CEP128: variants seen among roughly 807,000 people sequenced by gnomAD.
The protein encoded by CEP128 is centrosomal protein 128.
In CEP128, 132 loss-of-function variants were observed where a neutral mutation model predicts 156.7. That is an observed-to-expected ratio of 0.84 (90% CI 0.73 to 0.97). The LOEUF is 0.97. Among genes scored for constraint, CEP128 ranks in the 50% least tolerant of loss-of-function variants. The pLI is 0.00. For missense variants in CEP128, 1,252 were observed against 1,281.9 expected, an observed-to-expected ratio of 0.98 and a Z score of 0.36; for synonymous variants, 469 against 448.9, an observed-to-expected ratio of 1.04 and a Z score of -0.57.
rs1211118194 is a variant in CEP128, at chr14:80,542,978, A to G, written c.2881-12092T>C. ...ATGTCCTGTGTTCTCAAAGAGAATG[A>G]CAAAATAAATTAATCATTTTCCATT... On this transcript the variant is annotated intron_variant, in intron 21 of 24. Transcript: ENST00000555265. Among the ~76,000 whole-genome samples, 5 of 152,228 alleles carry G rather than the reference A, an allele frequency of 3.3e-5. No individual in the cohort carries two copies. The East Asian group carries it at 9.6e-4, about 29-fold the overall frequency.
At chr14:80,623,223 A>C (rs1011414698) in intron 19 of CEP128, among the ~76,000 whole-genome samples, 2 of 148,402 alleles carry the variant, frequency 1.3e-5, no homozygotes, top group Non-Finnish European at 3.0e-5. Flanking sequence ...AAAACCAAAC[A>C]CTGCATGTTC....
intron 19 of CEP128, among the ~76,000 whole-genome samples, chr14:80,675,742 T>C (rs1207069738): frequency 3.9e-5 from 6 of 152,140 alleles, no homozygotes; most frequent in African/African-American, 1.4e-4. Flanking sequence ...AATTTTAAGA[T>C]AGTCAAATCT....
intron 15 of CEP128, among the ~76,000 whole-genome samples, chr14:80,779,918 G>A (rs912576597): frequency 6.6e-6 from 1 of 152,094 alleles, no homozygotes; most frequent in Non-Finnish European, 1.5e-5. Context: ...GAAATAACTT[G>A]ACCAAGATCA....
intron 23 of CEP128, among the ~76,000 whole-genome samples, chr14:80,507,247 G>C (rs1290885060): frequency 6.6e-6 from 1 of 152,096 alleles, no homozygotes; most frequent in Non-Finnish European, 1.5e-5. Flanking sequence ...AGGTTAGCTA[G>C]ATTTAAGATG....
intron 23 of CEP128, among the ~76,000 whole-genome samples, chr14:80,522,391 A>G (rs1343910735): frequency 6.6e-6 from 1 of 152,220 alleles, no homozygotes; most frequent in Middle Eastern, 3.2e-3. Context: ...AACAAATATG[A>G]CAGGGCTTTG....
chr14:80,700,329 T>A (rs1897031139), intron 19 of CEP128, among the ~76,000 whole-genome samples: 1 of 152,098 alleles, frequency 6.6e-6, no homozygotes, highest in Non-Finnish European at 1.5e-5. Context: ...ACTAAGCTGA[T>A]GATTAGCTGG....
At chr14:80,846,343 A>G (rs1886601873) in intron 9 of CEP128, among the ~76,000 whole-genome samples, 1 of 152,208 alleles carries the variant, frequency 6.6e-6, no homozygotes, top group South Asian at 2.1e-4. Flanking sequence ...AGGATTAAGT[A>G]GAATAAAGAG....
chr14:80,939,381 T>G lies in CEP128; in HGVS notation c.-16+4A>C, dbSNP rs968805452. The G allele has an allele frequency of 7.2e-5, 11 of 152,202 alleles. No individual in the cohort carries two copies. The highest frequency in any genetic ancestry group is 2.4e-4 in the African/African-American group (10 of 41,448). 9.4% of individuals were successfully genotyped at this position (152,202 alleles called of 1,614,324 possible). ...TCAGAAACTCAGGGAGAAAGCATAC[T>G]TACAAAGCACACCCCCAAAACTCCG... On this transcript the variant is annotated splice_donor_region_variant and intron_variant, in intron 2 of 24. Transcript: ENST00000555265.
intron 19 of CEP128, among the ~76,000 whole-genome samples, chr14:80,717,718 TTCAGAA>T (rs1440224507): frequency 6.6e-6 from 1 of 152,216 alleles, no homozygotes; most frequent in Non-Finnish European, 1.5e-5. Context: ...TGGTGCCACT[TTCAGAA>T]TCAGAATATT....
At chr14:80,674,929 AG>A (rs1420710135) in intron 19 of CEP128, among the ~76,000 whole-genome samples, 1 of 152,128 alleles carries the variant, frequency 6.6e-6, no homozygotes, top group Non-Finnish European at 1.5e-5. Flanking sequence ...ATAAACTTAT[AG>A]GGATCCTACT....
At chr14:80,776,718 G>A (rs1022123396) in intron 16 of CEP128, among the ~76,000 whole-genome samples, 49 of 151,902 alleles carry the variant, frequency 3.2e-4, no homozygotes, top group Admixed American at 2.1e-3. Flanking sequence ...GAGCACATAC[G>A]TGCATTCATT....
At position 80,785,315 on chromosome 14, in the gene CEP128, C is replaced by T. The variant is rs1372961881; in HGVS notation, c.1791G>A (p.Lys597=). The T allele has an allele frequency of 3.7e-6, 6 of 1,614,176 alleles. No homozygotes were observed. The East Asian group carries it at 8.9e-5, about 24-fold the overall frequency. Residue 597 remains lysine, a synonymous_variant, in exon 15 of 25, where the codon AAG becomes AAA. Coordinates refer to ENST00000555265, the MANE Select transcript of CEP128 (RefSeq NM_152446.5). ...TIHRLESELK[K]QSKIQSQMKV... ...TCATCTGGCTTTGGATCTTACTCTGCTTTTTCAATTCGCTCTCCAGTCTAT... is the reference window on the plus strand; with the variant it reads ...TCATCTGGCTTTGGATCTTACTCTGTTTTTTCAATTCGCTCTCCAGTCTAT...
At chr14:80,938,537 G>A (rs1410224624) in intron 2 of CEP128, among the ~76,000 whole-genome samples, 1 of 152,102 alleles carries the variant, frequency 6.6e-6, no homozygotes, top group Non-Finnish European at 1.5e-5. Flanking sequence ...GTGAGCCACC[G>A]CGCCCGGCCA....
At chr14:80,749,395 C>CAAAT (rs1899273865) in intron 18 of CEP128, among the ~76,000 whole-genome samples, 1 of 152,120 alleles carries the variant, frequency 6.6e-6, no homozygotes, top group South Asian at 2.1e-4. Flanking sequence ...CATCGACAGA[C>CAAAT]AAATGGATAA....
intron 21 of CEP128, among the ~76,000 whole-genome samples, chr14:80,536,751 C>T (rs1008742595): frequency 4.6e-5 from 7 of 152,108 alleles, no homozygotes; most frequent in African/African-American, 7.2e-5. Flanking sequence ...AATAGGCCAC[C>T]GAAGTCACGG....
chr14:80,918,310 C>G (rs1884671043), intron 2 of CEP128, among the ~76,000 whole-genome samples: 1 of 152,136 alleles, frequency 6.6e-6, no homozygotes, highest in South Asian at 2.1e-4. Context: ...AAATCTATGC[C>G]ACATAACATA....
chr14:80,626,363 C>G (rs976401123), intron 19 of CEP128, among the ~76,000 whole-genome samples: 10 of 150,226 alleles, frequency 6.7e-5, no homozygotes, highest in African/African-American at 2.5e-4. Context: ...ACTCGGGAGG[C>G]TGAGGCAGGA....
intron 13 of CEP128, 27 bp downstream of exon 13, chr14:80,831,116 A>G (rs1885768474): frequency 6.2e-7 from 1 of 1,603,904 alleles, no homozygotes; most frequent in African/African-American, 1.3e-5. Context: ...AAATATTTCG[A>G]ATATGACTTA....
intron 23 of CEP128, among the ~76,000 whole-genome samples, chr14:80,520,654 C>T (rs115679319): frequency 0.014 from 2,110 of 151,878 alleles, 30 homozygotes; most frequent in Middle Eastern, 0.034. Context: ...CTTCACATGA[C>T]TTTAATCCAT....
Sources: allele counts gnomAD v4.1 joint callset (sites outside exome capture counted in the v4.1 genomes callset), GRCh38; gene constraint gnomAD v4.1.1; transcripts MANE v1.5; gene names NCBI Gene and HGNC (gene_info 2026-07-23, HGNC 2026-07-21).